The following GRID2 variants were observed in gnomAD, a reference collection of about 807,000 sequenced individuals.
GRID2 encodes the protein glutamate ionotropic receptor delta type subunit 2, also known as glutamate receptor ionotropic, delta-2.
GRID2 carries 33 observed loss-of-function variants against 114.8 expected under a neutral mutation model. The observed-to-expected ratio is 0.29, with a 90% CI of 0.22 to 0.38. The LOEUF (loss-of-function observed/expected upper bound fraction) is 0.38, where lower values mean the gene tolerates loss of function less well. GRID2 is among the 10% of genes least tolerant of loss of function. The probability of loss-of-function intolerance (pLI) is 1.00; values close to 1 mark genes in which losing one functional copy is unlikely to be tolerated. For synonymous variants in GRID2, 505 were observed against 449.9 expected (o/e 1.12, Z -1.55); for missense variants, 1,184 against 1,257.7 (o/e 0.94, Z 0.89).
At chr4:93,471,706 T>TTTTTTTTTTTTTTTTTTTTTTTTC (rs1724830293) in intron 11 of GRID2, among the ~76,000 whole-genome samples, 1 of 103,254 alleles carries the variant, frequency 9.7e-6, no homozygotes, top group Non-Finnish European at 2.0e-5. Flanking sequence ...CAATTTTTTT[T>TTTTTTTTTTTTTTTTTTTTTTTTC]TTTTTTTTTG....
At chr4:93,789,974 G>A (rs1235451058) in intron 1 of GRID2, among the ~76,000 whole-genome samples, 1 of 152,078 alleles carries the variant, frequency 6.6e-6, no homozygotes, top group Non-Finnish European at 1.5e-5. Context: ...ACCCTATTGT[G>A]AACTGCACAT....
chr4:92,995,154 G>C (rs967167078), intron 2 of GRID2, among the ~76,000 whole-genome samples: 4 of 152,178 alleles, frequency 2.6e-5, no homozygotes, highest in African/African-American at 7.2e-5. Flanking sequence ...AGTGGGCAGA[G>C]ACATTTCTTC....
chr4:92,655,209 G>C (rs530879062), intron 2 of GRID2, among the ~76,000 whole-genome samples: 1 of 151,812 alleles, frequency 6.6e-6, no homozygotes, highest in East Asian at 1.9e-4. Context: ...TAAATATGTG[G>C]GTTTATTTCT....
intron 13 of GRID2, among the ~76,000 whole-genome samples, chr4:93,519,169 G>A (rs888642774): frequency 1.3e-5 from 2 of 152,082 alleles, no homozygotes; most frequent in Non-Finnish European, 2.9e-5. Context: ...TCCTAAGTTG[G>A]CTTTTTCTCT....
intron 2 of GRID2, among the ~76,000 whole-genome samples, chr4:92,732,611 CAG>C (rs1251060581): frequency 6.6e-6 from 1 of 151,994 alleles, no homozygotes; most frequent in Non-Finnish European, 1.5e-5. Context: ...GCCATTATTA[CAG>C]AGTTACATAT....
intron 1 of GRID2, among the ~76,000 whole-genome samples, chr4:92,583,704 T>TG (rs1728285942): frequency 2.4e-5 from 3 of 125,392 alleles, no homozygotes; most frequent in Non-Finnish European, 3.4e-5. Context: ...ATACATATAA[T>TG]TTATATATAA....
chr4:92,942,794 G>A (rs1259500633), intron 2 of GRID2, among the ~76,000 whole-genome samples: 1 of 152,136 alleles, frequency 6.6e-6, no homozygotes, highest in African/African-American at 2.4e-5. Context: ...GCATTTGCTT[G>A]TCTGTAAAGG....
chr4:92,670,005 C>T (rs964291512), intron 2 of GRID2, among the ~76,000 whole-genome samples: 1 of 151,966 alleles, frequency 6.6e-6, no homozygotes, highest in Admixed American at 6.6e-5. Flanking sequence ...AATATCTTCA[C>T]AGTTGATGAG....
chr4:93,354,824 A>G (rs1023749904), intron 8 of GRID2, among the ~76,000 whole-genome samples: 57 of 146,224 alleles, frequency 3.9e-4, no homozygotes, highest in Non-Finnish European at 1.6e-4. Flanking sequence ...AGATATATAT[A>G]TATATATAAT....
At chr4:92,939,063 C>G (rs960144819) in intron 2 of GRID2, among the ~76,000 whole-genome samples, 1 of 147,072 alleles carries the variant, frequency 6.8e-6, no homozygotes, top group African/African-American at 2.4e-5. Context: ...GATTTATAAT[C>G]TTTTGGGGAT....
At chr4:92,777,061 T>G (rs1331861768) in intron 2 of GRID2, among the ~76,000 whole-genome samples, 1 of 151,892 alleles carries the variant, frequency 6.6e-6, no homozygotes, top group Non-Finnish European at 1.5e-5. Context: ...AAGTAAGTCC[T>G]CCGCTCATGG....
At chr4:93,509,546 C>T (rs1728966012) in intron 12 of GRID2, among the ~76,000 whole-genome samples, 3 of 152,176 alleles carry the variant, frequency 2.0e-5, no homozygotes, top group Admixed American at 2.0e-4. Context: ...ATTCAAACCT[C>T]TAGATACCTT....
At chr4:92,475,129 AAATAATAATAAT>A (rs138643012) in intron 1 of GRID2, among the ~76,000 whole-genome samples, 1 of 144,858 alleles carries the variant, frequency 6.9e-6, no homozygotes, top group Non-Finnish European at 1.5e-5. Flanking sequence ...TAATAATAAT[AAATAATAATAAT>A]AATAATAATA....
chr4:92,722,683 G>T (rs1303540326), intron 2 of GRID2, among the ~76,000 whole-genome samples: 5 of 152,026 alleles, frequency 3.3e-5, no homozygotes, highest in Non-Finnish European at 7.4e-5. Flanking sequence ...TCCTTTAGAT[G>T]ACGCCAAGTG....
In GRID2 at chr4:92,666,465, C is replaced by T. The variant is rs187166275; in HGVS notation, c.244+76179C>T. Among the ~76,000 whole-genome samples, 27 of 151,360 alleles carry T rather than the reference C, an allele frequency of 1.8e-4. 1 individual carries two copies. Among genetic ancestry groups the T allele is most frequent in the Admixed American group, 1.5e-3 (22 of 15,108 alleles). On this transcript the variant is annotated intron_variant, in intron 2 of 15. Coordinates refer to ENST00000282020, the MANE Select transcript of GRID2 (RefSeq NM_001510.4). ...AATGGAACATACTTTACTGTTTCTTCGTATGCCTTGTGATTTTTGTGTTGA... is the reference window on the plus strand; with the variant it reads ...AATGGAACATACTTTACTGTTTCTTTGTATGCCTTGTGATTTTTGTGTTGA...
intron 2 of GRID2, among the ~76,000 whole-genome samples, chr4:92,881,792 T>A (rs1245325047): frequency 2.6e-5 from 4 of 152,178 alleles, no homozygotes; most frequent in African/African-American, 4.8e-5. Flanking sequence ...ATTAATGTGA[T>A]GTTGAAATGT....
chr4:92,771,436 T>C lies in GRID2; in HGVS notation c.244+181150T>C, dbSNP rs113203584. Among the ~76,000 whole-genome samples the C allele has an allele frequency of 9.8e-3, 1,486 of 152,300 alleles. 27 individuals are homozygous for C. Among genetic ancestry groups the C allele is most frequent in the African/African-American group, 0.034 (1,402 of 41,576 alleles). On this transcript the variant is annotated intron_variant, in intron 2 of 15. Coordinates refer to ENST00000282020, the MANE Select transcript of GRID2 (RefSeq NM_001510.4). ...GTAATCTGTTTTCTTCTTTCTGTTA[T>C]CCTACATTTTCTAATAGAGTATACG...
At chr4:93,480,365 A>G (rs184694617) in intron 11 of GRID2, among the ~76,000 whole-genome samples, 2 of 152,194 alleles carry the variant, frequency 1.3e-5, no homozygotes, top group East Asian at 1.9e-4. Context: ...TGGGAACTAG[A>G]TAAGAGGTTC....
rs538235142 is a variant in GRID2, at chr4:92,900,601, C to T, written c.245-184394C>T. ...ATCCCAGCACTTTGGGAGGCCGAGGCGGGTGAATCATGAGGTCAGGAGATC... is the reference window on the plus strand; with the variant it reads ...ATCCCAGCACTTTGGGAGGCCGAGGTGGGTGAATCATGAGGTCAGGAGATC... On this transcript the variant is annotated intron_variant, in intron 2 of 15. Coordinates refer to ENST00000282020, the MANE Select transcript of GRID2 (RefSeq NM_001510.4). Among the ~76,000 whole-genome samples the T allele has an allele frequency of 9.0e-4, 137 of 152,192 alleles. 1 individual carries two copies. The highest frequency in any genetic ancestry group is 4.8e-3 in the South Asian group (23 of 4,826).
Sources: allele counts gnomAD v4.1 joint callset (sites outside exome capture counted in the v4.1 genomes callset), GRCh38; gene constraint gnomAD v4.1.1; transcripts MANE v1.5; gene names NCBI Gene and HGNC (gene_info 2026-07-23, HGNC 2026-07-21).